Variants in TANGO6 observed in about 807,000 individuals in gnomAD.
TANGO6 encodes the protein transport and golgi organization 6 homolog.
A neutral mutation model predicts 114.2 loss-of-function variants in TANGO6; 90 were observed. The ratio of observed to expected loss-of-function variants is 0.79; its 90% CI spans 0.66 to 0.94. The LOEUF (loss-of-function observed/expected upper bound fraction) is 0.94, where lower values mean the gene tolerates loss of function less well. Among genes scored for constraint, TANGO6 ranks in the 40% least tolerant of loss-of-function variants. The probability of loss-of-function intolerance (pLI) is 0.00; values close to 1 mark genes in which losing one functional copy is unlikely to be tolerated. For synonymous variants in TANGO6, 477 were observed against 509.8 expected (o/e 0.94, Z 0.87); for missense variants, 1,274 against 1,315.3 (o/e 0.97, Z 0.49).
intron 14 of TANGO6, among the ~76,000 whole-genome samples, chr16:68,950,741 C>T (rs1963463939): frequency 6.6e-6 from 1 of 151,312 alleles, no homozygotes; most frequent in African/African-American, 2.4e-5. Flanking sequence ...CACCTGTGAT[C>T]CCAGCTGCTC....
intron 15 of TANGO6, among the ~76,000 whole-genome samples, chr16:68,994,134 G>A (rs1048089146): frequency 2.0e-5 from 3 of 152,118 alleles, no homozygotes; most frequent in Non-Finnish European, 4.4e-5. Flanking sequence ...AGAAGTCCTG[G>A]CATCTCCTGT....
chr16:68,973,993 A>G (rs769105205), intron 14 of TANGO6, 35 bp from the exon 15 acceptor site: 5 of 1,570,364 alleles, frequency 3.2e-6, no homozygotes, highest in Admixed American at 1.9e-5. Context: ...GATCGTAAAC[A>G]GTAATGAATC....
At chr16:68,954,629 C>G (rs1344310957) in intron 14 of TANGO6, among the ~76,000 whole-genome samples, 2 of 152,238 alleles carry the variant, frequency 1.3e-5, no homozygotes, top group Non-Finnish European at 2.9e-5. Context: ...CTCTTCACCA[C>G]TGATGGAGAA....
chr16:69,019,296 T>C (rs755713994), intron 15 of TANGO6, among the ~76,000 whole-genome samples: 3 of 152,228 alleles, frequency 2.0e-5, no homozygotes, highest in Non-Finnish European at 4.4e-5. Context: ...GAGATGACAA[T>C]TCAAATCTCC....
intron 17 of TANGO6, among the ~76,000 whole-genome samples, chr16:69,080,873 T>C (rs1001946503): frequency 5.9e-5 from 9 of 152,182 alleles, no homozygotes; most frequent in African/African-American, 2.2e-4. Context: ...GCGCGGTGGC[T>C]CACGCCTATA....
intron 17 of TANGO6, among the ~76,000 whole-genome samples, chr16:69,049,227 T>C (rs1959908719): frequency 6.6e-6 from 1 of 151,272 alleles, no homozygotes; most frequent in African/African-American, 2.4e-5. Context: ...CATACTCCAC[T>C]CCCCAATTCT....
chr16:68,959,428 A>T (rs1204393501), intron 14 of TANGO6, among the ~76,000 whole-genome samples: 5 of 151,892 alleles, frequency 3.3e-5, no homozygotes, highest in Non-Finnish European at 7.4e-5. Flanking sequence ...CTCTACTAAA[A>T]ATATAAAAGT....
chr16:69,075,990 C>G (rs1238412733), intron 17 of TANGO6, among the ~76,000 whole-genome samples: 1 of 151,524 alleles, frequency 6.6e-6, no homozygotes, highest in African/African-American at 2.4e-5. Flanking sequence ...GTCTCAATCT[C>G]CTGACCTCGT....
chr16:69,045,533 G>A (rs914012951), intron 17 of TANGO6, among the ~76,000 whole-genome samples: 2 of 151,052 alleles, frequency 1.3e-5, no homozygotes, highest in African/African-American at 4.9e-5. Context: ...CACGAGTTCA[G>A]GAGTTTGAGA....
intron 11 of TANGO6, among the ~76,000 whole-genome samples, chr16:68,915,845 T>C (rs1221004193): frequency 1.3e-5 from 2 of 152,194 alleles, no homozygotes; most frequent in East Asian, 3.8e-4. Flanking sequence ...TAGCACAGCA[T>C]GTGATTTGTC....
At chr16:68,919,977 C>T (rs560446840) in intron 12 of TANGO6, among the ~76,000 whole-genome samples, 1 of 152,170 alleles carries the variant, frequency 6.6e-6, no homozygotes, top group East Asian at 1.9e-4. Flanking sequence ...AACCCAGGAG[C>T]CGGAGGTTGC....
intron 14 of TANGO6, among the ~76,000 whole-genome samples, chr16:68,939,756 C>T (rs1210213422): frequency 2.0e-5 from 3 of 152,104 alleles, no homozygotes; most frequent in Admixed American, 6.5e-5. Context: ...TATATACACA[C>T]GTACATATTT....
chr16:69,002,041 C>A (rs1457191205), intron 15 of TANGO6, among the ~76,000 whole-genome samples: 2 of 152,086 alleles, frequency 1.3e-5, no homozygotes, highest in African/African-American at 2.4e-5. Flanking sequence ...CAAAACAGAG[C>A]AGAGCCTTAG....
At chr16:68,883,653 A>G (rs1006873583) in intron 7 of TANGO6, among the ~76,000 whole-genome samples, 1 of 152,084 alleles carries the variant, frequency 6.6e-6, no homozygotes, top group African/African-American at 2.4e-5. Context: ...TTGTGTTTTC[A>G]TTTCTCTTTG....
At chr16:68,860,660 A>G (rs1370393428) in intron 2 of TANGO6, 136 bp downstream of exon 2, 46 of 1,176,946 alleles carry the variant, frequency 3.9e-5, no homozygotes, top group Non-Finnish European at 5.1e-5. Context: ...CAATGGATAA[A>G]TGAATCTTTT....
intron 12 of TANGO6, among the ~76,000 whole-genome samples, chr16:68,920,064 A>G (rs1963069308): frequency 6.6e-6 from 1 of 152,180 alleles, no homozygotes; most frequent in African/African-American, 2.4e-5. Flanking sequence ...AATTAAACAA[A>G]CAAAACCTAC....
At position 68,995,971 on chromosome 16, in the gene TANGO6, A is replaced by G. The variant is rs145070611; in HGVS notation, c.2842+21803A>G. Among the ~76,000 whole-genome samples, 15 of 152,326 alleles carry G rather than the reference A, an allele frequency of 9.8e-5. No homozygotes were observed. The East Asian group carries it at 2.7e-3, about 27-fold the overall frequency. The stretch of plus-strand genomic sequence containing the variant: ...GAGGTTCAAACAAGATAATAGACAT[A>G]TAAGTATTTTGCAGATAAAGAGGCT... On this transcript the variant is annotated intron_variant, in intron 15 of 17. Coordinates refer to ENST00000261778, the MANE Select transcript of TANGO6 (RefSeq NM_024562.2).
intron 14 of TANGO6, among the ~76,000 whole-genome samples, chr16:68,940,689 T>C (rs1400064128): frequency 2.0e-5 from 3 of 152,148 alleles, no homozygotes; most frequent in African/African-American, 7.2e-5. Flanking sequence ...AACAGAGCAA[T>C]TCCCTTTTTA....
intron 8 of TANGO6, among the ~76,000 whole-genome samples, chr16:68,901,428 T>C (rs552585220): frequency 2.2e-4 from 33 of 152,316 alleles, no homozygotes; most frequent in African/African-American, 6.3e-4. Flanking sequence ...AGAGAATGCA[T>C]TGGAAGAGGG....
Sources: gnomAD v4.1 joint callset for allele counts (sites outside exome capture counted in the v4.1 genomes callset) on GRCh38, gnomAD v4.1.1 for gene constraint, MANE v1.5 for transcripts, NCBI Gene and HGNC (gene_info 2026-07-23, HGNC 2026-07-21) for gene names.